ZNF609: variants seen among roughly 807,000 people sequenced by gnomAD.
The protein encoded by ZNF609 is zinc finger protein 609.
ZNF609 carries 11 observed loss-of-function variants against 109.5 expected under a neutral mutation model. That is an observed-to-expected ratio of 0.10 (90% CI 0.06 to 0.17). ZNF609 has a LOEUF of 0.17. Ranked by LOEUF, ZNF609 falls within the 10% of genes least tolerant of loss-of-function variation. The pLI is 1.00. For missense variants in ZNF609, 1,559 were observed against 1,772.4 expected, an observed-to-expected ratio of 0.88 and a Z score of 2.16; for synonymous variants, 646 against 662.0, an observed-to-expected ratio of 0.98 and a Z score of 0.37.
chr15:64,638,030 A>G (rs1314427266), intron 3 of ZNF609, among the ~76,000 whole-genome samples: 2 of 126,604 alleles, frequency 1.6e-5, no homozygotes, highest in Non-Finnish European at 3.4e-5. Context: ...TATATATAAA[A>G]ATACATATAT....
At chr15:64,673,027 C>CCT (rs931720354) in intron 4 of ZNF609, among the ~76,000 whole-genome samples, 5 of 151,856 alleles carry the variant, frequency 3.3e-5, no homozygotes, top group Non-Finnish European at 1.5e-5. Context: ...TTCTTTATGC[C>CCT]CTCCCTTTGC....
chr15:64,665,584 C>A (rs919921434), intron 3 of ZNF609, among the ~76,000 whole-genome samples: 1 of 152,098 alleles, frequency 6.6e-6, no homozygotes, highest in Non-Finnish European at 1.5e-5. Flanking sequence ...GACTCTGTCT[C>A]TATTTTTAAA....
chr15:64,501,502 C>G (rs1035819744), intron 2 of ZNF609: 2 of 152,162 alleles, frequency 1.3e-5, no homozygotes, highest in Non-Finnish European at 2.9e-5. Flanking sequence ...TGCTATAGTC[C>G]ACTTCAGCAG....
chr15:64,626,029 ATCT>A (rs984779656), intron 3 of ZNF609, among the ~76,000 whole-genome samples: 4 of 150,864 alleles, frequency 2.7e-5, no homozygotes, highest in African/African-American at 9.8e-5. Flanking sequence ...AAAATTCTAA[ATCT>A]TCTCTGCAAC....
chr15:64,487,839 T>C (rs1893353552), intron 1 of ZNF609, among the ~76,000 whole-genome samples: 1 of 152,130 alleles, frequency 6.6e-6, no homozygotes, highest in Non-Finnish European at 1.5e-5. Context: ...TTTCACCATA[T>C]TGGCCAGGCT....
In ZNF609 at chr15:64,540,650, C is replaced by T. The variant is rs528776954; in HGVS notation, c.747+40484C>T. Among the ~76,000 whole-genome samples the T allele has an allele frequency of 1.5e-4, 23 of 151,502 alleles. No individual in the cohort carries two copies. The East Asian group carries it at 3.2e-3, about 21-fold the overall frequency. On this transcript the variant is annotated intron_variant, in intron 2 of 9. Transcript: ENST00000326648. Reference sequence around the variant, plus strand: ...TGAACCCTTTACCTCGTGATCCGCACGCCTCGGCCTGCCAAAGTGCTGGGA... The same window carrying T: ...TGAACCCTTTACCTCGTGATCCGCATGCCTCGGCCTGCCAAAGTGCTGGGA...
chr15:64,598,007 G>T (rs756680954), intron 2 of ZNF609, among the ~76,000 whole-genome samples: 8 of 152,102 alleles, frequency 5.3e-5, no homozygotes, highest in Non-Finnish European at 1.0e-4. Flanking sequence ...AATTATCAAT[G>T]TAATGAAAAA....
chr15:64,547,368 A>G (rs1894382064), intron 2 of ZNF609, among the ~76,000 whole-genome samples: 1 of 152,192 alleles, frequency 6.6e-6, no homozygotes, highest in Non-Finnish European at 1.5e-5. Context: ...TGAGAGCCTT[A>G]TCTTTGTAGG....
At chr15:64,563,302 T>G (rs956530890) in intron 2 of ZNF609, among the ~76,000 whole-genome samples, 1 of 146,202 alleles carries the variant, frequency 6.8e-6, no homozygotes, top group Non-Finnish European at 1.5e-5. Flanking sequence ...ATACAGAAAT[T>G]AGCCAGGTGT....
intron 3 of ZNF609, among the ~76,000 whole-genome samples, chr15:64,640,846 C>G (rs1025065597): frequency 1.3e-5 from 2 of 152,178 alleles, no homozygotes; most frequent in African/African-American, 4.8e-5. Context: ...GGTGAAACAG[C>G]CTTTGTGGCA....
intron 2 of ZNF609, among the ~76,000 whole-genome samples, chr15:64,531,418 G>C (rs1894059129): frequency 6.6e-6 from 1 of 151,818 alleles, no homozygotes; most frequent in Admixed American, 6.6e-5. Flanking sequence ...TTATTATTTG[G>C]GACAGTCTCG....
chr15:64,539,506 C>T (rs1448238936), intron 2 of ZNF609, among the ~76,000 whole-genome samples: 3 of 142,118 alleles, frequency 2.1e-5, no homozygotes, highest in African/African-American at 7.9e-5. Context: ...TGCGCCTGGC[C>T]AATTTTTTTA....
At chr15:64,478,122 TGTG>T (rs1893197997) in intron 1 of ZNF609, among the ~76,000 whole-genome samples, 1 of 151,696 alleles carries the variant, frequency 6.6e-6, no homozygotes, top group African/African-American at 2.4e-5. Flanking sequence ...TTTGTAAAAA[TGTG>T]GTCTTTTTCA....
At chr15:64,552,398 G>A (rs1489643611) in intron 2 of ZNF609, among the ~76,000 whole-genome samples, 3 of 152,298 alleles carry the variant, frequency 2.0e-5, no homozygotes, top group African/African-American at 7.2e-5. Flanking sequence ...TTGAGACAGA[G>A]TCTTGCTCTG....
chr15:64,606,195 C>T (rs1895596242), intron 2 of ZNF609, among the ~76,000 whole-genome samples: 1 of 151,540 alleles, frequency 6.6e-6, no homozygotes, highest in African/African-American at 2.4e-5. Context: ...CTCACTGCAG[C>T]CTCAACCTCC....
intron 2 of ZNF609, among the ~76,000 whole-genome samples, chr15:64,575,591 A>C (rs1290081358): frequency 1.3e-5 from 2 of 152,150 alleles, no homozygotes; most frequent in African/African-American, 4.8e-5. Context: ...TTTTCTCTTA[A>C]TACCGAATTC....
At chr15:64,642,543 T>C (rs1249089757) in intron 3 of ZNF609, among the ~76,000 whole-genome samples, 2 of 152,084 alleles carry the variant, frequency 1.3e-5, no homozygotes, top group African/African-American at 4.8e-5. Context: ...CTTGTCATCC[T>C]AGCAATTTGG....
chr15:64,516,865 C>T (rs1423109170), intron 2 of ZNF609, among the ~76,000 whole-genome samples: 1 of 151,976 alleles, frequency 6.6e-6, no homozygotes, highest in Non-Finnish European at 1.5e-5. Flanking sequence ...ATCAGGCTAC[C>T]GAACAATAAG....
chr15:64,656,656 G>A (rs1272274954), intron 3 of ZNF609, among the ~76,000 whole-genome samples: 1 of 151,928 alleles, frequency 6.6e-6, no homozygotes, highest in Non-Finnish European at 1.5e-5. Context: ...TAAGTAATGG[G>A]TTTTCTCCTT....
Sources: gnomAD v4.1 joint callset for allele counts (sites outside exome capture counted in the v4.1 genomes callset) on GRCh38, gnomAD v4.1.1 for gene constraint, MANE v1.5 for transcripts, NCBI Gene and HGNC (gene_info 2026-07-23, HGNC 2026-07-21) for gene names.